Variants in ULK4 observed in about 807,000 individuals in gnomAD.
The protein encoded by ULK4 is unc-51 like kinase 4, also known as inactive serine/threonine-protein kinase ULK4.
In ULK4, 133 loss-of-function variants were observed where a neutral mutation model predicts 160.6. That is an observed-to-expected ratio of 0.83 (90% CI 0.72 to 0.96). The LOEUF (loss-of-function observed/expected upper bound fraction) is 0.96. ULK4 is among the 40% of genes least tolerant of loss of function. The pLI is 0.00. For missense variants in ULK4, 1,580 were observed against 1,499.5 expected (o/e 1.05, Z -0.89); for synonymous variants, 534 against 539.8 (o/e 0.99, Z 0.15).
At chr3:41,528,688 C>T (rs183209184) in intron 32 of ULK4, among the ~76,000 whole-genome samples, 1 of 152,286 alleles carries the variant, frequency 6.6e-6, no homozygotes, top group African/African-American at 2.4e-5. Flanking sequence ...GAAAACCTTG[C>T]CTATTACATG....
chr3:41,722,844 G>T (rs1223442968), intron 22 of ULK4, among the ~76,000 whole-genome samples: 5 of 152,096 alleles, frequency 3.3e-5, no homozygotes, highest in Non-Finnish European at 7.4e-5. Flanking sequence ...AAGACATGAG[G>T]GGTGCTTTCA....
intron 20 of ULK4, among the ~76,000 whole-genome samples, chr3:41,798,338 C>T (rs1404145170): frequency 6.6e-6 from 1 of 152,160 alleles, no homozygotes; most frequent in Non-Finnish European, 1.5e-5. Flanking sequence ...CAAGAAAGTT[C>T]ACTGGTATAC....
At chr3:41,659,193 C>T (rs1156549669) in intron 30 of ULK4, among the ~76,000 whole-genome samples, 2 of 152,178 alleles carry the variant, frequency 1.3e-5, no homozygotes, top group African/African-American at 4.8e-5. Flanking sequence ...TGGAAAACTC[C>T]TTTGTGGTAC....
chr3:41,864,360 TTTG>T (rs1559616678), intron 17 of ULK4, among the ~76,000 whole-genome samples: 1 of 78,896 alleles, frequency 1.3e-5, no homozygotes, highest in East Asian at 2.9e-4. Context: ...TTTGTTTTGT[TTTG>T]TTTTGTTTTG....
chr3:41,794,686 A>AAAAAAAC (rs1553654814), intron 20 of ULK4, among the ~76,000 whole-genome samples: 1 of 112,382 alleles, frequency 8.9e-6, no homozygotes, highest in African/African-American at 4.1e-5. Context: ...AAAAAAAAAA[A>AAAAAAAC]CACAGAAAAA....
chr3:41,826,615 T>C (rs2041364669), intron 18 of ULK4, among the ~76,000 whole-genome samples: 1 of 145,960 alleles, frequency 6.9e-6, no homozygotes, highest in Admixed American at 6.7e-5. Context: ...CTAACTATCC[T>C]AAATACATAT....
At chr3:41,839,273 G>A (rs2041844229) in intron 17 of ULK4, among the ~76,000 whole-genome samples, 1 of 151,970 alleles carries the variant, frequency 6.6e-6, no homozygotes, top group Non-Finnish European at 1.5e-5. Context: ...CTGGGAGGTG[G>A]AGGTTAGAGT....
At chr3:41,745,869 A>T (rs2038401551) in intron 22 of ULK4, among the ~76,000 whole-genome samples, 5 of 151,732 alleles carry the variant, frequency 3.3e-5, no homozygotes, top group Admixed American at 3.3e-4. Context: ...AATGTAATAT[A>T]GCAACAGCTA....
At chr3:41,714,852 T>TAAAAAAAAAAAAAAAA (rs60470015) in intron 25 of ULK4, among the ~76,000 whole-genome samples, 2 of 131,358 alleles carry the variant, frequency 1.5e-5, no homozygotes, top group African/African-American at 3.3e-5. Flanking sequence ...ACTCTGTCTT[T>TAAAAAAAAAAAAAAAA]AAAAAAAAAA....
At chr3:41,672,572 G>C (rs778996159) in intron 29 of ULK4, among the ~76,000 whole-genome samples, 1 of 152,150 alleles carries the variant, frequency 6.6e-6, no homozygotes, top group Non-Finnish European at 1.5e-5. Context: ...GGGGAATGAA[G>C]AAAAGCTGGT....
At chr3:41,609,483 T>A (rs551904515) in intron 31 of ULK4, among the ~76,000 whole-genome samples, 1 of 152,282 alleles carries the variant, frequency 6.6e-6, no homozygotes, top group South Asian at 2.1e-4. Flanking sequence ...TCACATGTAC[T>A]TTAATGGTGG....
intron 13 of ULK4, 80 bp downstream of exon 13, chr3:41,900,645 A>G: frequency 8.9e-7 from 1 of 1,126,426 alleles, no homozygotes; most frequent in Non-Finnish European, 1.3e-6. Flanking sequence ...TACAGTAAAT[A>G]ATATTCTGAA....
At chr3:41,599,563 T>C (rs1209212149) in intron 31 of ULK4, among the ~76,000 whole-genome samples, 2 of 127,308 alleles carry the variant, frequency 1.6e-5, no homozygotes, top group African/African-American at 7.0e-5. Context: ...CATTTTCTTT[T>C]TCTTTTTTTT....
At chr3:41,896,006 C>A (rs1212623953) in intron 15 of ULK4, among the ~76,000 whole-genome samples, 1 of 152,040 alleles carries the variant, frequency 6.6e-6, no homozygotes, top group East Asian at 1.9e-4. Context: ...GAAACAAAAA[C>A]CAAAAAAACT....
At chr3:41,961,550 A>ACCCCCCCCCCCCCCCCCCCCCCC (rs201424516) in intron 1 of ULK4, among the ~76,000 whole-genome samples, 2 of 124,714 alleles carry the variant, frequency 1.6e-5, no homozygotes, top group Admixed American at 7.4e-5. Context: ...GTAGTCACTC[A>ACCCCCCCCCCCCCCCCCCCCCCC]CCCCCCCCCC....
chr3:41,660,604 A>C (rs185530832), intron 30 of ULK4, among the ~76,000 whole-genome samples: 53 of 152,346 alleles, frequency 3.5e-4, no homozygotes, highest in South Asian at 1.7e-3. Context: ...GGTATGTAAA[A>C]ATGGACTTTG....
At chr3:41,550,765 T>C (rs772574010) in intron 32 of ULK4, among the ~76,000 whole-genome samples, 1 of 152,088 alleles carries the variant, frequency 6.6e-6, no homozygotes, top group African/African-American at 2.4e-5. Flanking sequence ...GTATTTAAAC[T>C]GTATTTTAGA....
chr3:41,427,145 A>T (rs543355502), intron 34 of ULK4, among the ~76,000 whole-genome samples: 4 of 152,238 alleles, frequency 2.6e-5, no homozygotes, highest in Non-Finnish European at 5.9e-5. Context: ...CTCTATTCAA[A>T]TAAACTAGAG....
At chr3:41,389,307 T>A (rs1459913628) in intron 35 of ULK4, among the ~76,000 whole-genome samples, 1 of 152,212 alleles carries the variant, frequency 6.6e-6, no homozygotes, top group African/African-American at 2.4e-5. Context: ...TACAATCATG[T>A]CATCTGGAAA....
Sources: allele counts gnomAD v4.1 joint callset (sites outside exome capture counted in the v4.1 genomes callset), GRCh38; gene constraint gnomAD v4.1.1; transcripts MANE v1.5; gene names NCBI Gene and HGNC (gene_info 2026-07-23, HGNC 2026-07-21).